CEP41: variants seen among roughly 807,000 people sequenced by gnomAD.
CEP41 encodes the protein centrosomal protein of 41 kDa.
A neutral mutation model predicts 44.3 loss-of-function variants in CEP41; 32 were observed. That is an observed-to-expected ratio of 0.72 (90% CI 0.54 to 0.97). The LOEUF is 0.97. Among genes scored for constraint, CEP41 ranks in the 50% least tolerant of loss-of-function variants. The pLI is 0.00. For missense variants in CEP41, 432 were observed against 455.2 expected (o/e 0.95, Z 0.46); for synonymous variants, 151 against 168.5 (o/e 0.90, Z 0.80).
At position 130,397,506 on chromosome 7, in the gene CEP41, ATTTTTTTTTTTTTTTT is replaced by A. The variant is rs55776575; in HGVS notation, c.*1369_*1384del. 7 of 303,720 alleles carry A rather than the reference ATTTTTTTTTTTTTTTT, an allele frequency of 2.3e-5. No homozygotes were observed. Among genetic ancestry groups the A allele is most frequent in the Non-Finnish European group, 4.2e-5 (7 of 168,220 alleles). 18.8% of individuals were successfully genotyped at this position (303,720 alleles called of 1,614,324 possible). On this transcript the variant is annotated 3_prime_UTR_variant, in exon 11 of 11. Transcript: ENST00000223208. The stretch of plus-strand genomic sequence containing the variant: ...CCCCATGCTAGAAATACTGTGGTGC[ATTTTTTTTTTTTTTTT>A]TTTTTTTTTTTGGTGGCGAGAAAAT...
chr7:130,410,029 C>CTTTT (rs782636525), intron 5 of CEP41, among the ~76,000 whole-genome samples: 3 of 139,890 alleles, frequency 2.1e-5, no homozygotes, highest in Non-Finnish European at 4.7e-5. Flanking sequence ...CCTCGGTCTT[C>CTTTT]TTTTTTTTTT....
intron 10 of CEP41, chr7:130,399,408 G>A (rs533597574): frequency 1.4e-5 from 4 of 287,006 alleles, no homozygotes; most frequent in Admixed American, 4.8e-5. Context: ...AACCACAGAG[G>A]CTCTCAGAGT....
In CEP41 at chr7:130,395,133, G is replaced by A. The variant is rs782323216; in HGVS notation, c.*3758C>T. 6 of 454,068 alleles carry A rather than the reference G, an allele frequency of 1.3e-5. No individual in the cohort carries two copies. Among genetic ancestry groups the A allele is most frequent in the South Asian group, 9.3e-5 (6 of 64,474 alleles). The allele number at this position is 454,068 out of a possible 1,614,324, so 28.1% of individuals were successfully genotyped here. ...ACATTTTTTATGTTGTAACTGACCT[G>A]TGTATCCATTTAAAGATGTCATAAT... On this transcript the variant is annotated 3_prime_UTR_variant, in exon 11 of 11. Coordinates refer to ENST00000223208, the MANE Select transcript of CEP41 (RefSeq NM_018718.3).
intron 8 of CEP41, 28 bp downstream of exon 8, chr7:130,401,853 C>G: frequency 6.9e-7 from 1 of 1,444,884 alleles, no homozygotes; most frequent in Non-Finnish European, 9.7e-7. Context: ...TCATACCACC[C>G]AATTCCTTAA....
intron 1 of CEP41, among the ~76,000 whole-genome samples, chr7:130,438,525 C>G (rs1257075698): frequency 2.0e-5 from 3 of 152,088 alleles, no homozygotes; most frequent in Non-Finnish European, 4.4e-5. Flanking sequence ...CCCCACTGCA[C>G]TCCAGCCTGG....
chr7:130,412,579 G>A (rs181201369), intron 3 of CEP41, among the ~76,000 whole-genome samples: 3 of 152,058 alleles, frequency 2.0e-5, no homozygotes, highest in Non-Finnish European at 4.4e-5. Context: ...TTTGTAAGCC[G>A]CCTCAAATCC....
Position 130,398,935 on chromosome 7 carries a change from G to T in CEP41, c.1078C>A (p.Arg360Ser). Residue 360 changes from arginine (R) to serine (S), a missense_variant, in exon 11 of 11, where the codon CGC (arginine) becomes AGC (serine). By Grantham distance (110) the Arg-to-Ser change is moderately radical. Transcript: ENST00000223208. ...TGCAGGTGACCACTGCTGAGGGAGC[G>T]GGGGTTTGAGTGGCTGGCGGGGCCG... Reference protein sequence around the residue: ...GGGPASHSNPRSLSSGHLQGK... With the variant: ...GGGPASHSNPSSLSSGHLQGK... 6.2e-7 allele frequency: 1 copy of T among 1,614,220 alleles called. No homozygotes were observed. The highest frequency in any genetic ancestry group is 1.1e-5 in the South Asian group (1 of 91,082).
At chr7:130,437,093 T>C (rs1384052010) in intron 1 of CEP41, among the ~76,000 whole-genome samples, 1 of 151,190 alleles carries the variant, frequency 6.6e-6, no homozygotes, top group Non-Finnish European at 1.5e-5. Context: ...AAAACTAAAA[T>C]GAAGGATTGG....
At chr7:130,418,869 T>C (rs1271213321) in intron 2 of CEP41, among the ~76,000 whole-genome samples, 2 of 152,166 alleles carry the variant, frequency 1.3e-5, no homozygotes, top group Admixed American at 6.5e-5. Context: ...GTCTTTATTA[T>C]TGAAACACTG....
In CEP41 at chr7:130,398,965, C is replaced by T. The variant is rs1393202405; in HGVS notation, c.1048G>A (p.Gly350Ser). Residue 350 changes from glycine to serine, a missense_variant, in exon 11 of 11, where the codon GGT becomes AGT. By Grantham distance (56) the Gly-to-Ser change is moderately conservative. Transcript: ENST00000223208. The part of the protein sequence containing the change: ...PGARSAQNLP[G>S]GGPASHSNPR... The stretch of plus-strand genomic sequence containing the variant: ...TTTGAGTGGCTGGCGGGGCCGCCAC[C>T]TGGCAGATTCTGAGCGCTTCGGGCA... 2 of 1,614,098 alleles carry T rather than the reference C, an allele frequency of 1.2e-6. No homozygotes were observed. Among genetic ancestry groups the T allele is most frequent in the African/African-American group, 2.7e-5 (2 of 74,938 alleles).
Position 130,395,776 on chromosome 7 carries a change from A to C in CEP41, c.*3115T>G, listed in dbSNP as rs1554414232. The C allele has an allele frequency of 6.6e-6, 3 of 453,932 alleles. No homozygotes were observed. Among genetic ancestry groups the C allele is most frequent in the South Asian group, 4.7e-5 (3 of 64,408 alleles). The allele number at this position is 453,932 out of a possible 1,614,324, so 28.1% of individuals were successfully genotyped here. The stretch of plus-strand genomic sequence containing the variant: ...TTTTGTATAATTTAAATAGCACCAC[A>C]GGAAAAATCCCTGAGCAACTAATGA... On this transcript the variant is annotated 3_prime_UTR_variant, in exon 11 of 11. Coordinates refer to ENST00000223208, the MANE Select transcript of CEP41 (RefSeq NM_018718.3).
At chr7:130,409,368 T>C (rs1473756168) in intron 5 of CEP41, among the ~76,000 whole-genome samples, 1 of 152,182 alleles carries the variant, frequency 6.6e-6, no homozygotes, top group Non-Finnish European at 1.5e-5. Context: ...ATCTCAACAA[T>C]GAATTAAAGG....
rs115708460 is a variant in CEP41 at position 130,411,229 on chromosome 7, T to G, written c.208-38A>C. ...AGAATGAAATGTGTGGATGTTTGTT[T>G]GTTTTTAAACAGACGCAATTTTGTC... On this transcript the variant is annotated intron_variant, in intron 4 of 10. Coordinates refer to ENST00000223208, the MANE Select transcript of CEP41 (RefSeq NM_018718.3). 9.5e-4 allele frequency: 1,480 copies of G among 1,553,840 alleles called. 20 individuals carry two copies. In the African/African-American group the frequency reaches 0.018, roughly 18 times the overall value.
intron 2 of CEP41, chr7:130,419,658 A>AT (rs1177080317): frequency 2.0e-6 from 2 of 985,212 alleles, no homozygotes; most frequent in South Asian, 4.7e-5. Flanking sequence ...GAAAAAAAAA[A>AT]GTCAGTGGCT....
At chr7:130,438,057 C>T (rs1278566097) in intron 1 of CEP41, among the ~76,000 whole-genome samples, 1 of 152,182 alleles carries the variant, frequency 6.6e-6, no homozygotes, top group Non-Finnish European at 1.5e-5. Context: ...TTCCCCCACA[C>T]TCCTAAAACT....
intron 9 of CEP41, 105 bp from the exon 10 acceptor site, chr7:130,400,359 G>A (rs1318019288): frequency 2.5e-6 from 2 of 807,926 alleles, no homozygotes; most frequent in African/African-American, 1.7e-5. Flanking sequence ...ATCAAGTTGA[G>A]GCCAACACAA....
chr7:130,411,790 C>T (rs920021802), intron 4 of CEP41, among the ~76,000 whole-genome samples: 5 of 152,026 alleles, frequency 3.3e-5, no homozygotes, highest in Admixed American at 6.6e-5. Flanking sequence ...ACAGCTCTGG[C>T]AGGATGATTT....
rs149052906 is a variant in CEP41 at position 130,400,759 on chromosome 7, C to A, written c.705G>T (p.Ala235=). The change falls in exon 9 of 11, where the codon GCG becomes GCT. Residue 235 remains alanine (A), a synonymous_variant. Coordinates refer to ENST00000223208, the MANE Select transcript of CEP41 (RefSeq NM_018718.3). Reference sequence around the variant, plus strand: ...ATCCACGCTCGCACATGGTGGTGGCCGCCTGACTGGCCAGCCTTTCATCAT... The same window carrying A: ...ATCCACGCTCGCACATGGTGGTGGCAGCCTGACTGGCCAGCCTTTCATCAT... ...YDDDERLASQ[A]ATTMCERGFE... is the part of the protein sequence containing the mutation. 8 of 1,613,804 alleles carry A rather than the reference C, an allele frequency of 5.0e-6. No individual in the cohort carries two copies. Among genetic ancestry groups the A allele is most frequent in the Non-Finnish European group, 6.8e-6 (8 of 1,179,852 alleles).
At chr7:130,410,115 T>C (rs1797135282) in intron 5 of CEP41, among the ~76,000 whole-genome samples, 1 of 148,146 alleles carries the variant, frequency 6.8e-6, no homozygotes, top group Non-Finnish European at 1.5e-5. Context: ...AACCTCCGCC[T>C]CCTGGGTTCA....
Sources: allele counts gnomAD v4.1 joint callset (sites outside exome capture counted in the v4.1 genomes callset), GRCh38; gene constraint gnomAD v4.1.1; transcripts MANE v1.5; gene names NCBI Gene and HGNC (gene_info 2026-07-23, HGNC 2026-07-21).